Variants in DDX60L observed in about 807,000 individuals in gnomAD.
DDX60L encodes the protein DExD/H-box 60 like, also known as probable ATP-dependent RNA helicase DDX60-like.
In DDX60L, 191 loss-of-function variants were observed where a neutral mutation model predicts 211.6. The observed-to-expected ratio is 0.90, with a 90% CI of 0.80 to 1.02. DDX60L has a LOEUF of 1.02. DDX60L is among the 50% of genes least tolerant of loss of function. DDX60L has a pLI of 0.00. For synonymous variants in DDX60L, 706 were observed against 694.1 expected (o/e 1.02, Z -0.27); for missense variants, 2,007 against 1,984.1 (o/e 1.01, Z -0.22).
chr4:168,463,439 CGGAGGGT>C (rs1242307908), intron 4 of DDX60L, among the ~76,000 whole-genome samples: 1 of 151,836 alleles, frequency 6.6e-6, no homozygotes, highest in Non-Finnish European at 1.5e-5. Context: ...TATTGGAGGG[CGGAGGGT>C]GGAGGGTGAG....
chr4:168,459,915 A>T (rs1757102867), intron 5 of DDX60L, among the ~76,000 whole-genome samples: 1 of 152,166 alleles, frequency 6.6e-6, no homozygotes. Context: ...AAAATAAAGC[A>T]AATAACTAAT....
At chr4:168,409,100 T>G (rs1748241560) in intron 22 of DDX60L, among the ~76,000 whole-genome samples, 1 of 152,224 alleles carries the variant, frequency 6.6e-6, no homozygotes, top group Non-Finnish European at 1.5e-5. Context: ...CTTATATAAA[T>G]GCACACCTCA....
intron 10 of DDX60L, among the ~76,000 whole-genome samples, chr4:168,434,023 T>C (rs1752711540): frequency 6.6e-6 from 1 of 152,192 alleles, no homozygotes; most frequent in African/African-American, 2.4e-5. Context: ...AATTTAACTT[T>C]TATGTCTTTG....
At chr4:168,465,035 T>C (rs1371438083) in intron 4 of DDX60L, among the ~76,000 whole-genome samples, 1 of 152,118 alleles carries the variant, frequency 6.6e-6, no homozygotes, top group East Asian at 1.9e-4. Context: ...TGCTGGTTCA[T>C]ATAGTAATTC....
chr4:168,363,155 T>G (rs1739387205), intron 36 of DDX60L, among the ~76,000 whole-genome samples: 2 of 152,094 alleles, frequency 1.3e-5, no homozygotes, highest in Non-Finnish European at 2.9e-5. Context: ...GAATGATATA[T>G]TCAAAGCGCT....
chr4:168,435,107 C>CA (rs928956796), intron 10 of DDX60L, among the ~76,000 whole-genome samples: 8 of 152,168 alleles, frequency 5.3e-5, no homozygotes, highest in Non-Finnish European at 7.3e-5. Flanking sequence ...CCCCAACCCC[C>CA]AGTCAGTAAG....
intron 29 of DDX60L, among the ~76,000 whole-genome samples, chr4:168,385,942 C>T (rs79279636): frequency 3.4e-3 from 519 of 151,596 alleles, no homozygotes; most frequent in African/African-American, 0.012. Context: ...CACACACACA[C>T]ACAAAGAGAA....
At chr4:168,447,046 T>G (rs62336664) in intron 9 of DDX60L, among the ~76,000 whole-genome samples, 74,753 of 110,416 alleles carry the variant, frequency 0.68, 26,018 homozygotes, top group East Asian at 0.87. Flanking sequence ...CTAATTAAAC[T>G]AAAGAGCTTC....
At chr4:168,416,591 A>G in intron 20 of DDX60L, 91 bp downstream of exon 20, 1 of 683,312 alleles carries the variant, frequency 1.5e-6, no homozygotes, top group Non-Finnish European at 2.2e-6. Flanking sequence ...GAAAGTTATC[A>G]TAGAAAAAAC....
chr4:168,389,585 C>T (rs1237257826), intron 29 of DDX60L, among the ~76,000 whole-genome samples: 4 of 152,170 alleles, frequency 2.6e-5, no homozygotes, highest in Non-Finnish European at 4.4e-5. Flanking sequence ...TCTGATACAG[C>T]TGGACAAAGT....
rs1394384343 is a variant in DDX60L, at chr4:168,375,385, G to A, written c.4625C>T (p.Ser1542Leu). The change falls in exon 34 of 38, where the codon TCA becomes TTA. Residue 1542 changes from serine (S) to leucine (L), a missense_variant. Transcript: ENST00000682922. The part of the protein sequence containing the change: ...NMKKEHQLPL[S>L]RIKFTGKECE... Reference sequence around the variant, plus strand: ...AACTAAAATCTGCTTACTGATTCTTGACAAAGGGAGTTGATGCTCTTTTTT... The same window carrying A: ...AACTAAAATCTGCTTACTGATTCTTAACAAAGGGAGTTGATGCTCTTTTTT... 2 of 1,611,916 alleles carry A rather than the reference G, an allele frequency of 1.2e-6. No individual in the cohort carries two copies. Among genetic ancestry groups the A allele is most frequent in the Non-Finnish European group, 1.7e-6 (2 of 1,178,928 alleles).
Position 168,430,479 on chromosome 4 carries a change from T to A in DDX60L, c.1676A>T (p.Gln559Leu), listed in dbSNP as rs576041850. ...DSSGASGEIL[Q>L]NTKPHQITKK... is the part of the protein sequence containing the mutation. ...TTAGGTAAAATCTTTGCGATCTACC[T>A]GTAATATTTCACCACTGGCACCACT... The change falls in exon 13 of 38, where the codon CAG becomes CTG. Residue 559 changes from glutamine to leucine, a missense_variant and splice_region_variant. Gln to Leu is a moderately radical substitution (Grantham distance 113). Coordinates refer to ENST00000682922, the MANE Select transcript of DDX60L (RefSeq NM_001012967.3). The A allele has an allele frequency of 1.9e-6, 3 of 1,585,146 alleles. No individual in the cohort carries two copies. The highest frequency in any genetic ancestry group is 1.2e-5 in the South Asian group (1 of 84,776).
chr4:168,391,208 T>C (rs1744747237), intron 29 of DDX60L, among the ~76,000 whole-genome samples: 1 of 152,074 alleles, frequency 6.6e-6, no homozygotes, highest in African/African-American at 2.4e-5. Flanking sequence ...CCATTTTACA[T>C]ACTCCCGGAA....
At position 168,404,034 on chromosome 4, in the gene DDX60L, G is replaced by A. The variant is rs1213649826; in HGVS notation, c.3286C>T (p.Leu1096Phe). 6 of 1,499,420 alleles carry A rather than the reference G, an allele frequency of 4.0e-6. No homozygotes were observed. Among genetic ancestry groups the A allele is most frequent in the Non-Finnish European group, 5.4e-6 (6 of 1,114,898 alleles). The allele number at this position is 1,499,420 out of a possible 1,614,324, so 92.9% of individuals were successfully genotyped here. A position where few individuals can be genotyped will look rare whatever the true frequency, so the allele number is the denominator to read the frequency against. Residue 1096 changes from leucine to phenylalanine, a missense_variant, in exon 25 of 38, where the codon CTT becomes TTT. Leu to Phe is a conservative substitution (Grantham distance 22). Transcript: ENST00000682922. ...ATTTGTCTTAACTTTTCAACAAGAA[G>A]AGGAAACATTTTCACCATATCTTTT... The part of the protein sequence containing the change: ...SSKDMVKMFP[L>F]LVEKLRQMDK...
intron 25 of DDX60L, among the ~76,000 whole-genome samples, chr4:168,402,124 C>CTTTT (rs60345965): frequency 1.8e-4 from 19 of 108,502 alleles, no homozygotes; most frequent in Non-Finnish European, 2.6e-4. Flanking sequence ...ACTTCAGAGG[C>CTTTT]TTTTTTTTTT....
chr4:168,394,673 C>T lies in DDX60L; in HGVS notation c.3658-56G>A, dbSNP rs912804185. ...ATGATGTATTTTATTTAATTTCAAGCTCAATCAGAATCAAAGGACATTTTC... is the reference window on the plus strand; with the variant it reads ...ATGATGTATTTTATTTAATTTCAAGTTCAATCAGAATCAAAGGACATTTTC... On this transcript the variant is annotated intron_variant, in intron 27 of 37. Transcript: ENST00000682922. The T allele has an allele frequency of 2.7e-6, 4 of 1,489,948 alleles. No individual in the cohort carries two copies. In the African/African-American group the frequency reaches 5.6e-5, roughly 21 times the overall value. 92.3% of individuals were successfully genotyped at this position (1,489,948 alleles called of 1,614,324 possible).
chr4:168,418,315 G>A (rs1403768805), intron 19 of DDX60L, among the ~76,000 whole-genome samples: 1 of 152,050 alleles, frequency 6.6e-6, no homozygotes, highest in Admixed American at 6.6e-5. Context: ...TGATCCACCC[G>A]CCTCAGCCTC....
At chr4:168,455,272 T>TTGTGTGTGTGTG (rs34353821) in intron 7 of DDX60L, among the ~76,000 whole-genome samples, 12,999 of 144,012 alleles carry the variant, frequency 0.09, 694 homozygotes, top group Middle Eastern at 0.14. Context: ...CATACAAACT[T>TTGTGTGTGTGTG]TGTGTGTGTG....
At chr4:168,415,991 CCAT>C (rs1318876672) in intron 20 of DDX60L, among the ~76,000 whole-genome samples, 192 bp from the exon 21 acceptor site, 1 of 152,176 alleles carries the variant, frequency 6.6e-6, no homozygotes, top group Non-Finnish European at 1.5e-5. Flanking sequence ...CTCCCTTTCT[CCAT>C]CATAACATAG....
Sources: allele counts gnomAD v4.1 joint callset (sites outside exome capture counted in the v4.1 genomes callset), GRCh38; gene constraint gnomAD v4.1.1; transcripts MANE v1.5; gene names NCBI Gene and HGNC (gene_info 2026-07-23, HGNC 2026-07-21).